RADX: variants seen among roughly 807,000 people sequenced by gnomAD.
The protein encoded by RADX is RPA1 related single stranded DNA binding protein, X-linked.
Under a neutral mutation model 61.6 loss-of-function variants are expected in RADX, and 36 were observed. The observed-to-expected ratio is 0.58, with a 90% confidence interval of 0.45 to 0.77. The LOEUF (loss-of-function observed/expected upper bound fraction) is 0.77. Ranked by LOEUF, RADX falls within the 30% of genes least tolerant of loss-of-function variation. The pLI is 0.00. For synonymous variants in RADX, 272 were observed against 237.9 expected (o/e 1.14, Z -1.32); for missense variants, 497 against 651.1 (o/e 0.76, Z 2.58).
At chrX:106,656,507 C>G (rs1328079953) in intron 11 of RADX, among the ~76,000 whole-genome samples, 3 of 111,925 alleles carry the variant, frequency 2.7e-5, no homozygotes, top group Non-Finnish European at 3.8e-5. Flanking sequence ...TCACTTTTGC[C>G]CAGATCCATC....
intron 3 of RADX, among the ~76,000 whole-genome samples, chrX:106,626,575 A>C: frequency 8.9e-6 from 1 of 112,016 alleles, no homozygotes; most frequent in Non-Finnish European, 1.9e-5. Flanking sequence ...GCTATATAGA[A>C]TTATAGGACC....
At chrX:106,652,141 A>G (rs1403219520) in intron 11 of RADX, among the ~76,000 whole-genome samples, 1 of 111,405 alleles carries the variant, frequency 9.0e-6, no homozygotes, top group Non-Finnish European at 1.9e-5. Flanking sequence ...ATCCAGTTAC[A>G]TGCTACATAT....
chrX:106,669,386 C>T (rs1260256094), intron 13 of RADX, 56 bp downstream of exon 13: 1 of 823,540 alleles, frequency 1.2e-6, no homozygotes, highest in Non-Finnish European at 1.7e-6. Flanking sequence ...ATAAACAGCC[C>T]TAGCCTTAAG....
intron 13 of RADX, among the ~76,000 whole-genome samples, chrX:106,677,450 A>G (rs1363405644): frequency 9.1e-6 from 1 of 109,865 alleles, no homozygotes; most frequent in Non-Finnish European, 1.9e-5. Flanking sequence ...GCTTTATAGA[A>G]GGACAGGGCC....
intron 3 of RADX, among the ~76,000 whole-genome samples, chrX:106,625,959 G>T (rs899596393): frequency 1.8e-5 from 2 of 110,978 alleles, no homozygotes; most frequent in African/African-American, 6.5e-5. Context: ...TACCAAAATC[G>T]GGAAATTTAA....
At chrX:106,639,396 A>G (rs1411598779) in intron 8 of RADX, 131 bp from the exon 9 acceptor site, 8 of 504,046 alleles carry the variant, frequency 1.6e-5, no homozygotes, top group Admixed American at 4.7e-5. Context: ...GATGCCAGAT[A>G]TAAACACAGT....
At chrX:106,673,443 C>T (rs1421834473) in intron 13 of RADX, among the ~76,000 whole-genome samples, 3 of 110,435 alleles carry the variant, frequency 2.7e-5, no homozygotes, top group African/African-American at 6.6e-5. Context: ...AGGCCCGAAA[C>T]GATGTCTTCA....
At chrX:106,658,471 AC>A (rs1268418918) in intron 11 of RADX, among the ~76,000 whole-genome samples, 4 of 111,653 alleles carry the variant, frequency 3.6e-5, no homozygotes, top group Non-Finnish European at 5.7e-5. Context: ...AATGTGTTAC[AC>A]TCTGTGACCT....
chrX:106,669,101 C>T (rs1378938446), intron 12 of RADX, 62 bp from the exon 13 acceptor site: 5 of 913,835 alleles, frequency 5.5e-6, no homozygotes, highest in Non-Finnish European at 4.7e-6. Context: ...CCAGCAAACT[C>T]GGCATCAGCA....
chrX:106,619,221 A>T, intron 1 of RADX, among the ~76,000 whole-genome samples: 1 of 111,319 alleles, frequency 9.0e-6, no homozygotes, highest in African/African-American at 3.3e-5. Context: ...AAATTATTTA[A>T]ACTTACATTT....
At chrX:106,618,440 C>T (rs1275155258) in intron 1 of RADX, among the ~76,000 whole-genome samples, 1 of 110,751 alleles carries the variant, frequency 9.0e-6, no homozygotes, top group African/African-American at 3.3e-5. Context: ...AACATGTTCA[C>T]TGATGGTAAC....
At chrX:106,632,156 A>C (rs1340883139) in intron 3 of RADX, among the ~76,000 whole-genome samples, 2 of 112,267 alleles carry the variant, frequency 1.8e-5, no homozygotes, top group Non-Finnish European at 3.8e-5. Flanking sequence ...TTAACACAAT[A>C]ATGGATAAAT....
chrX:106,650,856 A>G (rs1236362991), intron 11 of RADX, among the ~76,000 whole-genome samples: 3 of 111,956 alleles, frequency 2.7e-5, no homozygotes, highest in Non-Finnish European at 5.6e-5. Flanking sequence ...AGATAAATGC[A>G]GATGAAGAAA....
At chrX:106,668,674 A>T (rs777158209) in intron 12 of RADX, among the ~76,000 whole-genome samples, 1 of 111,749 alleles carries the variant, frequency 8.9e-6, no homozygotes, top group East Asian at 2.8e-4. Flanking sequence ...TATGGCCCTG[A>T]TGGTGAGTGT....
intron 1 of RADX, among the ~76,000 whole-genome samples, chrX:106,613,520 A>G (rs189626296): frequency 2.8e-4 from 31 of 112,169 alleles, no homozygotes; most frequent in Admixed American, 2.7e-3. Context: ...CAAAAAATAA[A>G]ATAAGAGAAA....
chrX:106,653,739 A>C lies in RADX; in HGVS notation c.1978+5353A>C, dbSNP rs190458393. On this transcript the variant is annotated intron_variant, in intron 11 of 13. Transcript: ENST00000372548. Reference sequence around the variant, plus strand: ...GTGTGATGTTCTCCTCCCTGTGTCCATGTGTTCTCATTGTTCAACTCCCAC... The same window carrying C: ...GTGTGATGTTCTCCTCCCTGTGTCCCTGTGTTCTCATTGTTCAACTCCCAC... 6.8e-3 allele frequency among the ~76,000 whole-genome samples: 746 copies of C among 109,991 alleles called. 5 individuals carry two copies. The highest frequency in any genetic ancestry group is 0.023 in the African/African-American group (709 of 30,266).
Position 106,624,685 on chromosome X carries a change from G to A in RADX, c.787-405G>A, listed in dbSNP as rs1217505378. Reference sequence around the variant, plus strand: ...CATTCCAGGGCCTAACATAATCTCTGGAATATGGATTCAGTAAATGTTTAA... The same window carrying A: ...CATTCCAGGGCCTAACATAATCTCTAGAATATGGATTCAGTAAATGTTTAA... On this transcript the variant is annotated intron_variant, in intron 2 of 13. Transcript: ENST00000372548. Among the ~76,000 whole-genome samples, 3 of 111,052 alleles carry A rather than the reference G, an allele frequency of 2.7e-5. No homozygotes were observed. The Admixed American group carries it at 2.9e-4, about 11-fold the overall frequency.
In RADX at chrX:106,612,339, G is replaced by T. The variant is rs1437813592; in HGVS notation, c.259G>T (p.Val87Leu). The part of the protein sequence containing the change: ...YLLEDEPRDT[V>L]PKPPLYCYDV... The stretch of plus-strand genomic sequence containing the variant: ...GTTAGAGGATGAGCCACGCGACACG[G>T]TGCCCAAGCCTCCCCTTTATTGCTA... The change falls in exon 1 of 14, where the codon GTG (valine) becomes TTG (leucine). Residue 87 changes from valine (V) to leucine (L), a missense_variant. Coordinates refer to ENST00000372548, the MANE Select transcript of RADX (RefSeq NM_018015.6). The T allele has an allele frequency of 8.3e-7, 1 of 1,209,949 alleles. No individual in the cohort carries two copies. Among genetic ancestry groups the T allele is most frequent in the African/African-American group, 1.8e-5 (1 of 57,110 alleles).
chrX:106,622,689 T>C lies in RADX; in HGVS notation c.682T>C (p.Trp228Arg), dbSNP rs1257636188. Residue 228 changes from tryptophan (W) to arginine (R), a missense_variant, in exon 2 of 14, where the codon TGG becomes CGG. Trp to Arg is a moderately radical substitution (Grantham distance 101). This residue lies in a region of RADX where 196 missense variants were observed against 315.0 expected (regional missense o/e 0.62). Coordinates refer to ENST00000372548, the MANE Select transcript of RADX (RefSeq NM_018015.6). ...IISLSHLEMT[W>R]TNRRNFPALL... ...TTCCCTTTCTCATCTTGAAATGACC[T>C]GGACTAACAGAAGAAATTTTCCTGC... 2 of 1,174,202 alleles carry C rather than the reference T, an allele frequency of 1.7e-6. No homozygotes were observed. The highest frequency in any genetic ancestry group is 1.2e-6 in the Non-Finnish European group (1 of 867,013).
Sources: allele counts gnomAD v4.1 joint callset (sites outside exome capture counted in the v4.1 genomes callset), GRCh38; gene constraint gnomAD v4.1.1; regional missense constraint gnomAD v4.1.1; transcripts MANE v1.5; gene names NCBI Gene and HGNC (gene_info 2026-07-23, HGNC 2026-07-21).